AMZ1: variants seen among roughly 807,000 people sequenced by gnomAD.
The protein encoded by AMZ1 is archaemetzincin-1.
A neutral mutation model predicts 29.9 loss-of-function variants in AMZ1; 39 were observed. The ratio of observed to expected loss-of-function variants is 1.30; its 90% CI spans 1.01 to 1.70. The LOEUF is 1.70. AMZ1 is among the 40% of genes most tolerant of loss of function. The pLI, the probability that AMZ1 is intolerant of heterozygous loss-of-function variation, is 0.00. For synonymous variants in AMZ1, 458 were observed against 304.0 expected (o/e 1.51, Z -5.27); for missense variants, 1,041 against 680.6 (o/e 1.53, Z -5.89).
Position 2,718,791 on chromosome 7 carries a change from C to T in AMZ1, c.*5913C>T, listed in dbSNP as rs1789281626. ...CCAGGGCCGAGCTGCGTCCGGCTCTCAGGGACTTCCTCTCCCTGTGCTCTG... is the reference window on the plus strand; with the variant it reads ...CCAGGGCCGAGCTGCGTCCGGCTCTTAGGGACTTCCTCTCCCTGTGCTCTG... On this transcript the variant is annotated 3_prime_UTR_variant, in exon 7 of 7. Coordinates refer to ENST00000683327, the MANE Select transcript of AMZ1 (RefSeq NM_001384743.1). Among the ~76,000 whole-genome samples the T allele has an allele frequency of 6.6e-6, 1 of 152,190 alleles. No homozygotes were observed. The highest frequency in any genetic ancestry group is 1.5e-5 in the Non-Finnish European group (1 of 68,040).
At chr7:2,725,954 A>G (rs548522671) in intron 4 of AMZ1, among the ~76,000 whole-genome samples, 7 of 152,276 alleles carry the variant, frequency 4.6e-5, no homozygotes, top group Non-Finnish European at 8.8e-5. Context: ...GGTCTGGACC[A>G]GCTCCCCTGA....
chr7:2,747,371 G>T (rs1462997497), intron 4 of AMZ1, among the ~76,000 whole-genome samples: 1 of 152,098 alleles, frequency 6.6e-6, no homozygotes, highest in Non-Finnish European at 1.5e-5. Context: ...TTCAACATAT[G>T]CAAATCAATA....
chr7:2,762,421 C>G (rs1791604571), upstream of AMZ1: 1 of 484,908 alleles, frequency 2.1e-6, no homozygotes, highest in African/African-American at 2.0e-5. Flanking sequence ...TAGACGTTAA[C>G]TTGGCCAAGG....
intron 4 of AMZ1, among the ~76,000 whole-genome samples, chr7:2,734,452 A>G (rs1790056142): frequency 6.6e-6 from 1 of 152,044 alleles, no homozygotes. Flanking sequence ...CTGTGTTCTC[A>G]TGGAAATGTA....
chr7:2,710,765 G>A (rs746974574), intron 6 of AMZ1, among the ~76,000 whole-genome samples: 3 of 152,246 alleles, frequency 2.0e-5, no homozygotes, highest in Non-Finnish European at 2.9e-5. Flanking sequence ...AAGAGCCTGT[G>A]ACTTGGGGGG....
rs1301440654 is a variant in AMZ1, at chr7:2,709,766, C to T, written c.898C>T (p.Leu300=). ...GCCCCTGGACCTCTGTCCCATCTGC[C>T]TGAGGAAGCTGCAGCATGTCCTGGG... is the stretch of plus-strand genomic sequence containing the variant. ...RRPLDLCPIC[L]RKLQHVLGFR... The change falls in exon 6 of 7, where the codon CTG becomes TTG. Residue 300 remains leucine, a synonymous_variant. Coordinates refer to ENST00000683327, the MANE Select transcript of AMZ1 (RefSeq NM_001384743.1). 6 of 1,611,886 alleles carry T rather than the reference C, an allele frequency of 3.7e-6. No homozygotes were observed. The highest frequency in any genetic ancestry group is 1.3e-5 in the African/African-American group (1 of 74,912).
chr7:2,725,722 C>T (rs1012447246), intron 4 of AMZ1, among the ~76,000 whole-genome samples: 2 of 152,244 alleles, frequency 1.3e-5, no homozygotes, highest in East Asian at 1.9e-4. Context: ...GCCTGTCAGC[C>T]GCCGTTGAGG....
At position 2,717,984 on chromosome 7, in the gene AMZ1, G is replaced by A. The variant is rs71527404; in HGVS notation, c.*5106G>A. ...TCACCGGAGTCGAGCAAACACGGCG[G>A]CCCCTGCCTCCCCCGGCGGCTCCAC... On this transcript the variant is annotated 3_prime_UTR_variant, in exon 7 of 7. Coordinates refer to ENST00000683327, the MANE Select transcript of AMZ1 (RefSeq NM_001384743.1). Among the ~76,000 whole-genome samples, 5 of 152,024 alleles carry A rather than the reference G, an allele frequency of 3.3e-5. No homozygotes were observed. Among genetic ancestry groups the A allele is most frequent in the African/African-American group, 1.2e-4 (5 of 41,372 alleles).
In AMZ1 at chr7:2,716,904, G is replaced by A. The variant is rs994473992; in HGVS notation, c.*4026G>A. On this transcript the variant is annotated 3_prime_UTR_variant, in exon 7 of 7. Transcript: ENST00000683327. ...TGGGAAGGGCTGGAGCCTCAGAAAC[G>A]GCAGAGCGGAAGTTGAGGCGCAGTC... Among the ~76,000 whole-genome samples, 2 of 152,218 alleles carry A rather than the reference G, an allele frequency of 1.3e-5. No homozygotes were observed. Among genetic ancestry groups the A allele is most frequent in the Non-Finnish European group, 2.9e-5 (2 of 68,040 alleles).
At chr7:2,758,348 G>T (rs553986259) in intron 4 of AMZ1, among the ~76,000 whole-genome samples, 1 of 152,166 alleles carries the variant, frequency 6.6e-6, no homozygotes, top group Admixed American at 6.5e-5. Context: ...CTCATACGTC[G>T]TGTGGCCTCT....
At chr7:2,724,381 G>A (rs1461004283), downstream of AMZ1, among the ~76,000 whole-genome samples, 5 of 152,248 alleles carry the variant, frequency 3.3e-5, no homozygotes, top group East Asian at 5.8e-4. Context: ...TGGGTGAAAT[G>A]CATCAGCTTT....
intron 6 of AMZ1, among the ~76,000 whole-genome samples, chr7:2,711,600 T>G (rs983759831): frequency 2.0e-5 from 3 of 152,196 alleles, no homozygotes; most frequent in African/African-American, 7.2e-5. Flanking sequence ...TTTACATTTT[T>G]TTCCCCCTGG....
At chr7:2,733,336 G>C (rs938634237) in intron 4 of AMZ1, 2 of 814,844 alleles carry the variant, frequency 2.5e-6, no homozygotes, top group Admixed American at 2.0e-5. Context: ...TAATGTGACA[G>C]AACAAGCTCG....
rs149430933 is a variant in AMZ1, at chr7:2,709,511, C to T, written c.772-129C>T. 2,387 of 1,379,264 alleles carry T rather than the reference C, an allele frequency of 1.7e-3. 25 individuals carry two copies. In the African/African-American group the frequency reaches 0.027, roughly 16 times the overall value. 85.4% of individuals were successfully genotyped at this position (1,379,264 alleles called of 1,614,324 possible). On this transcript the variant is annotated intron_variant, in intron 5 of 6. Coordinates refer to ENST00000683327, the MANE Select transcript of AMZ1 (RefSeq NM_001384743.1). ...TGTGCCGCCTGGGGCAGGGGGAGGG[C>T]GCCTGGACCACCTCCCGGCCATCTG...
chr7:2,726,158 A>T (rs1411516120), intron 4 of AMZ1, among the ~76,000 whole-genome samples: 4 of 152,212 alleles, frequency 2.6e-5, no homozygotes, highest in Non-Finnish European at 5.9e-5. Flanking sequence ...GCACTACCAG[A>T]TTTGGAAAGG....
At chr7:2,759,038 G>T (rs1487013021) in intron 4 of AMZ1, among the ~76,000 whole-genome samples, 2 of 151,946 alleles carry the variant, frequency 1.3e-5, no homozygotes, top group East Asian at 1.9e-4. Flanking sequence ...TACTGGGGAG[G>T]CTGAGGCAGG....
upstream of AMZ1, among the ~76,000 whole-genome samples, chr7:2,763,782 T>A (rs1791686532): frequency 1.3e-5 from 2 of 152,156 alleles, no homozygotes; most frequent in South Asian, 4.1e-4. Flanking sequence ...TCCTGTCGCC[T>A]GGAACAAGAA....
intron 1 of AMZ1, among the ~76,000 whole-genome samples, chr7:2,690,814 A>G (rs1787342292): frequency 6.6e-6 from 1 of 152,152 alleles, no homozygotes; most frequent in East Asian, 1.9e-4. Context: ...CCTGGAACCA[A>G]TGTGGTAGGG....
chr7:2,754,617 G>T lies in AMZ1; in HGVS notation n.551-10095G>T, dbSNP rs1302813897. ...AAAAAAATTAGCCAGGTATAGTGTT[G>T]CGTTCCTGTAGTCCCAGCTATTAGG... On this transcript the variant is annotated intron_variant and non_coding_transcript_variant, in intron 4 of 4. Coordinates refer to the AMZ1 transcript ENST00000489665. Among the ~76,000 whole-genome samples the T allele has an allele frequency of 3.3e-5, 5 of 151,546 alleles. No homozygotes were observed. The East Asian group carries it at 9.7e-4, about 29-fold the overall frequency.
Sources: gnomAD v4.1 joint callset for allele counts (sites outside exome capture counted in the v4.1 genomes callset) on GRCh38, gnomAD v4.1.1 for gene constraint, MANE v1.5 for transcripts, NCBI Gene and HGNC (gene_info 2026-07-23, HGNC 2026-07-21) for gene names.